Variants in SCHIP1 observed in about 807,000 individuals in gnomAD.
The protein encoded by SCHIP1 is schwannomin interacting protein 1, also known as schwannomin-interacting protein 1.
In SCHIP1, 8 loss-of-function variants were observed where a neutral mutation model predicts 29.7. That is an observed-to-expected ratio of 0.27 (90% confidence interval 0.16 to 0.49). The LOEUF (loss-of-function observed/expected upper bound fraction) is 0.49, where lower values mean the gene tolerates loss of function less well. Ranked by LOEUF, SCHIP1 falls within the 20% of genes least tolerant of loss-of-function variation. The probability of loss-of-function intolerance (pLI) is 0.99; values close to 1 mark genes in which losing one functional copy is unlikely to be tolerated. For synonymous variants in SCHIP1, 76 were observed against 94.9 expected (o/e 0.80, Z 1.16); for missense variants, 193 against 294.6 (o/e 0.66, Z 2.52).
the SCHIP1 span, among the ~76,000 whole-genome samples, chr3:159,657,469 G>A: frequency 6.6e-6 from 1 of 152,210 alleles, no homozygotes; most frequent in Non-Finnish European, 1.5e-5. Context: ...CACTCCATGT[G>A]ACTACAACCA....
the SCHIP1 span, among the ~76,000 whole-genome samples, chr3:159,474,300 C>T: frequency 6.2e-4 from 94 of 152,208 alleles, no homozygotes; most frequent in Non-Finnish European, 9.6e-4. Context: ...ACATATTAAG[C>T]AAACTTCAAG....
chr3:159,682,175 A>G, the SCHIP1 span, among the ~76,000 whole-genome samples: 1 of 152,238 alleles, frequency 6.6e-6, no homozygotes, highest in Non-Finnish European at 1.5e-5. Context: ...TAATATCCTC[A>G]TCTTTCCCCC....
chr3:159,399,537 T>C, the SCHIP1 span, among the ~76,000 whole-genome samples: 1 of 152,182 alleles, frequency 6.6e-6, no homozygotes, highest in Non-Finnish European at 1.5e-5. Flanking sequence ...CTCCATTTTA[T>C]TGACTTACTG....
chr3:159,852,234 C>A (rs893966031), intron 1 of SCHIP1, among the ~76,000 whole-genome samples: 3 of 152,194 alleles, frequency 2.0e-5, no homozygotes, highest in African/African-American at 7.2e-5. Context: ...GCACAAGAAT[C>A]TATATTGGAA....
the SCHIP1 span, among the ~76,000 whole-genome samples, chr3:159,809,570 A>G: frequency 2.6e-5 from 4 of 151,630 alleles, no homozygotes; most frequent in Admixed American, 2.6e-4. Flanking sequence ...GTCTTCCACA[A>G]TGGTTGAACT....
the SCHIP1 span, among the ~76,000 whole-genome samples, chr3:159,447,424 T>C: frequency 6.6e-6 from 1 of 152,094 alleles, no homozygotes; most frequent in African/African-American, 2.4e-5. Flanking sequence ...TGTGGGGAAC[T>C]AGAGAGTAAA....
the SCHIP1 span, among the ~76,000 whole-genome samples, chr3:159,739,520 C>A: frequency 6.6e-6 from 1 of 152,156 alleles, no homozygotes; most frequent in African/African-American, 2.4e-5. Context: ...CCCATGAAAC[C>A]TCTATTCTAT....
In SCHIP1 at chr3:159,891,362, T is replaced by A. The variant is rs146751329; in HGVS notation, c.590-735T>A. 2.4e-3 allele frequency among the ~76,000 whole-genome samples: 359 copies of A among 151,430 alleles called. 1 individual carries two copies. The highest frequency in any genetic ancestry group is 8.4e-3 in the African/African-American group (348 of 41,276). On this transcript the variant is annotated intron_variant, in intron 5 of 6. Coordinates refer to ENST00000445224, the Ensembl canonical transcript of SCHIP1. ...CTCCAGCCTGGGCGGCAGAGTGAGA[T>A]TCCGTTTCAAAAAAAGAAAAAGGAA...
chr3:159,508,003 C>T, the SCHIP1 span, among the ~76,000 whole-genome samples: 2 of 152,132 alleles, frequency 1.3e-5, no homozygotes, highest in African/African-American at 4.8e-5. Flanking sequence ...GGGAGGACTC[C>T]CTCTTTTTCT....
chr3:159,553,541 A>G, the SCHIP1 span, among the ~76,000 whole-genome samples: 1 of 152,200 alleles, frequency 6.6e-6, no homozygotes, highest in Admixed American at 6.5e-5. Flanking sequence ...TAATAACAGG[A>G]TGTTTAACCT....
At chr3:159,815,968 A>C in the SCHIP1 span, among the ~76,000 whole-genome samples, 1 of 28,902 alleles carries the variant, frequency 3.5e-5, no homozygotes, top group Non-Finnish European at 6.2e-5. Context: ...TATTTATTTG[A>C]GACAGCATCT....
intron 1 of SCHIP1, among the ~76,000 whole-genome samples, chr3:159,860,091 C>A (rs1281848971): frequency 1.3e-5 from 2 of 152,100 alleles, no homozygotes; most frequent in Non-Finnish European, 2.9e-5. Context: ...CTCAGCAACC[C>A]CTGGCATCCT....
At chr3:159,691,326 C>T in the SCHIP1 span, among the ~76,000 whole-genome samples, 1 of 151,918 alleles carries the variant, frequency 6.6e-6, no homozygotes, top group Admixed American at 6.6e-5. Flanking sequence ...TGCACTTATC[C>T]CTTTACCATT....
At chr3:159,547,795 C>T in the SCHIP1 span, among the ~76,000 whole-genome samples, 1 of 152,142 alleles carries the variant, frequency 6.6e-6, no homozygotes, top group Non-Finnish European at 1.5e-5. Context: ...AAGTACTATG[C>T]TGTTTTGGTT....
chr3:159,526,271 C>T, the SCHIP1 span, among the ~76,000 whole-genome samples: 2 of 152,118 alleles, frequency 1.3e-5, no homozygotes, highest in East Asian at 1.9e-4. Context: ...TGGGCTCAAG[C>T]GATCATCCCA....
chr3:159,525,209 G>T, the SCHIP1 span, among the ~76,000 whole-genome samples: 3 of 152,148 alleles, frequency 2.0e-5, no homozygotes, highest in Non-Finnish European at 2.9e-5. Flanking sequence ...TTGTTCCAAT[G>T]CCATTTCCTT....
chr3:159,443,547 T>C, the SCHIP1 span, among the ~76,000 whole-genome samples: 169 of 152,198 alleles, frequency 1.1e-3, no homozygotes, highest in African/African-American at 4.0e-3. Flanking sequence ...TCTTGCTCTG[T>C]CACCAGGCTG....
the SCHIP1 span, among the ~76,000 whole-genome samples, chr3:159,435,859 A>C: frequency 2.0e-5 from 3 of 152,138 alleles, no homozygotes; most frequent in Non-Finnish European, 4.4e-5. Context: ...GAGGGAAGGT[A>C]GGTGGGTAAT....
chr3:159,706,078 A>T, the SCHIP1 span, among the ~76,000 whole-genome samples: 1 of 152,166 alleles, frequency 6.6e-6, no homozygotes, highest in Non-Finnish European at 1.5e-5. Context: ...GGAAGCTGAG[A>T]TAACTAATTA....
Sources: allele counts gnomAD v4.1 joint callset (sites outside exome capture counted in the v4.1 genomes callset), GRCh38; gene constraint gnomAD v4.1.1; transcripts MANE v1.5; gene names NCBI Gene and HGNC (gene_info 2026-07-23, HGNC 2026-07-21).